CDKL4: variants seen among roughly 807,000 people sequenced by gnomAD.
CDKL4 encodes cyclin dependent kinase like 4.
In CDKL4, 44 loss-of-function variants were observed where a neutral mutation model predicts 42.0. The ratio of observed to expected loss-of-function variants is 1.05; its 90% CI spans 0.82 to 1.35. The LOEUF (loss-of-function observed/expected upper bound fraction) is 1.35, where lower values mean the gene tolerates loss of function less well. Ranked by LOEUF, CDKL4 falls within the 40% of genes most tolerant of loss-of-function variation. The pLI is 0.00. For missense variants in CDKL4, 393 were observed against 369.9 expected, an observed-to-expected ratio of 1.06 and a Z score of -0.51; for synonymous variants, 120 against 121.6, an observed-to-expected ratio of 0.99 and a Z score of 0.09.
intron 7 of CDKL4, among the ~76,000 whole-genome samples, chr2:39,185,471 T>C (rs1485309338): frequency 1.5e-5 from 2 of 133,370 alleles, no homozygotes; most frequent in Admixed American, 8.1e-5. Flanking sequence ...TATATATATA[T>C]ATATATATTT....
exon 6 of CDKL4, chr2:39,190,483 G>T (rs56049461): frequency 1.2e-6 from 2 of 1,613,964 alleles, no homozygotes; most frequent in Non-Finnish European, 1.7e-6. Context: ...CTACATAATC[G>T]GTGTAGGCAT....
chr2:39,212,470 T>A, intron 4 of CDKL4, among the ~76,000 whole-genome samples: 1 of 151,800 alleles, frequency 6.6e-6, no homozygotes, highest in Non-Finnish European at 1.5e-5. Flanking sequence ...CCTGACTTCG[T>A]GATCCGCCTG....
At chr2:39,179,117 T>C (rs1250461698) in intron 9 of CDKL4, 70 bp downstream of exon 9, 2 of 1,556,662 alleles carry the variant, frequency 1.3e-6, no homozygotes, top group East Asian at 2.2e-5. Context: ...TTGTCTCACT[T>C]TGAAAGGCAG....
At chr2:39,209,764 T>C (rs1237298799) in intron 4 of CDKL4, among the ~76,000 whole-genome samples, 2 of 152,200 alleles carry the variant, frequency 1.3e-5, no homozygotes, top group East Asian at 3.9e-4. Flanking sequence ...GCAACACCAC[T>C]AGGTCAGATT....
intron 3 of CDKL4, among the ~76,000 whole-genome samples, chr2:39,221,971 T>A (rs1678401073): frequency 6.6e-6 from 1 of 152,218 alleles, no homozygotes; most frequent in Non-Finnish European, 1.5e-5. Flanking sequence ...TGTCTCTTCA[T>A]CACATTTTAA....
chr2:39,174,509 T>C (rs945948733), downstream of CDKL4, among the ~76,000 whole-genome samples: 1 of 152,202 alleles, frequency 6.6e-6, no homozygotes, highest in Admixed American at 6.5e-5. Context: ...GGAGTTTATG[T>C]GTTTCTAAGT....
intron 5 of CDKL4, among the ~76,000 whole-genome samples, chr2:39,203,140 G>T (rs1421735719): frequency 6.6e-6 from 1 of 152,100 alleles, no homozygotes; most frequent in African/African-American, 2.4e-5. Flanking sequence ...GACTATGTTT[G>T]CTACAGGAAA....
intron 5 of CDKL4, among the ~76,000 whole-genome samples, chr2:39,202,163 T>TG (rs1008124897): frequency 6.6e-6 from 1 of 151,128 alleles, no homozygotes; most frequent in African/African-American, 2.4e-5. Flanking sequence ...ACCCAGGAAG[T>TG]GGAGTTTGCG....
chr2:39,173,613 T>C (rs1398464928), downstream of CDKL4, among the ~76,000 whole-genome samples: 1 of 151,858 alleles, frequency 6.6e-6, no homozygotes, highest in Non-Finnish European at 1.5e-5. Flanking sequence ...ATCGAGACTA[T>C]CCTGGCTAAC....
rs1676548577 is a variant in CDKL4, at chr2:39,196,883, A to G, written c.455-6381T>C. Among the ~76,000 whole-genome samples the G allele has an allele frequency of 2.0e-5, 3 of 152,346 alleles. 1 individual carries two copies. ...TGGCCTCCCAAAGTGTTGGGATTAC[A>G]GGCGTAAGCCACTGTGCCTGGCCCA... On this transcript the variant is annotated intron_variant, in intron 5 of 9. Transcript: ENST00000451199.
intron 7 of CDKL4, among the ~76,000 whole-genome samples, chr2:39,184,881 G>C (rs1432292700): frequency 6.6e-6 from 1 of 151,542 alleles, no homozygotes; most frequent in Non-Finnish European, 1.5e-5. Context: ...ACTACAGGTG[G>C]GTGCCACCAC....
intron 1 of CDKL4, among the ~76,000 whole-genome samples, chr2:39,231,748 C>T (rs898045751): frequency 6.6e-6 from 1 of 152,104 alleles, no homozygotes; most frequent in East Asian, 1.9e-4. Context: ...TGGGAATTTG[C>T]TTTAGAAAGT....
intron 2 of CDKL4, among the ~76,000 whole-genome samples, chr2:39,226,465 TTA>T (rs1491102430): frequency 8.4e-4 from 86 of 102,786 alleles, no homozygotes; most frequent in African/African-American, 2.3e-3. Flanking sequence ...ATTATATATA[TTA>T]TATATATATA....
At chr2:39,214,407 A>T (rs1483666568) in intron 3 of CDKL4, among the ~76,000 whole-genome samples, 1 of 152,176 alleles carries the variant, frequency 6.6e-6, no homozygotes, top group Non-Finnish European at 1.5e-5. Flanking sequence ...ACATGTACAC[A>T]TATATTTTAG....
intron 5 of CDKL4, among the ~76,000 whole-genome samples, chr2:39,203,905 GT>G (rs1676999780): frequency 6.6e-6 from 1 of 152,128 alleles, no homozygotes; most frequent in Admixed American, 6.5e-5. Flanking sequence ...AATCACTCGT[GT>G]TTGGGTCCCA....
chr2:39,231,451 T>G (rs1015201211), intron 1 of CDKL4, among the ~76,000 whole-genome samples: 2 of 152,186 alleles, frequency 1.3e-5, no homozygotes, highest in African/African-American at 4.8e-5. Context: ...CATAAAAATA[T>G]ACAATGGAGA....
At chr2:39,240,657 G>C (rs1439205920) in intron 1 of CDKL4, among the ~76,000 whole-genome samples, 1 of 143,094 alleles carries the variant, frequency 7.0e-6, no homozygotes. Context: ...GAATGAACTT[G>C]CTATAATGTA....
chr2:39,220,204 C>T (rs1465040609), intron 3 of CDKL4, among the ~76,000 whole-genome samples: 1 of 152,206 alleles, frequency 6.6e-6, no homozygotes, highest in Non-Finnish European at 1.5e-5. Context: ...TAACTTCCTT[C>T]CAAACTTCTC....
chr2:39,187,672 A>T, exon 7 of CDKL4: 1 of 1,613,070 alleles, frequency 6.2e-7, no homozygotes, highest in Admixed American at 1.7e-5. Flanking sequence ...AAAACCCGTT[A>T]CTTTTAAAGA....
Sources: gnomAD v4.1 joint callset for allele counts (sites outside exome capture counted in the v4.1 genomes callset) on GRCh38, gnomAD v4.1.1 for gene constraint, MANE v1.5 for transcripts, NCBI Gene and HGNC (gene_info 2026-07-23, HGNC 2026-07-21) for gene names.